Variants in KCNQ1OT1 observed in about 807,000 individuals in gnomAD.
KCNQ1OT1 encodes the protein KCNQ1 opposite strand/antisense transcript 1.
chr11:2,613,600 T>C lies in KCNQ1OT1; in HGVS notation n.86395A>G, dbSNP rs1849015712. The C allele has an allele frequency of 2.5e-6, 1 of 398,634 alleles. No homozygotes were observed. The highest frequency in any genetic ancestry group is 6.3e-4 in the Middle Eastern group (1 of 1,588). The allele number at this position is 398,634 out of a possible 1,614,324, so 24.7% of individuals were successfully genotyped here. On this transcript the variant is annotated non_coding_transcript_exon_variant, in exon 1 of 1. Transcript: ENST00000597346. This position sits in a 1 kb window ranked among gnomAD's most constrained non-coding sequence, Gnocchi z 4.8. The stretch of plus-strand genomic sequence containing the variant: ...CTTTAATTAGCACTTTTCAATTTTA[T>C]ATTTCTTTGTCCAGTTTTATCATTG...
At chr11:2,643,353 A>G (rs1196974222) in exon 1 of KCNQ1OT1, 1 of 398,230 alleles carries the variant, frequency 2.5e-6, no homozygotes, top group South Asian at 1.3e-4. Context: ...TTGGGTGCAT[A>G]TATGTTTAGA....
exon 1 of KCNQ1OT1, chr11:2,666,549 C>T: frequency 1.0e-5 from 4 of 398,694 alleles, no homozygotes; most frequent in Non-Finnish European, 1.8e-5. Context: ...CTAATGTCTC[C>T]TGAATTCTGC....
chr11:2,638,543 C>T (rs1056548312), exon 1 of KCNQ1OT1: 8 of 152,130 alleles, frequency 5.3e-5, no homozygotes, highest in South Asian at 2.1e-4. Flanking sequence ...CTGAGAGATC[C>T]GCCGTTAGTC....
exon 1 of KCNQ1OT1, chr11:2,680,820 A>G: frequency 2.5e-6 from 1 of 398,514 alleles, no homozygotes; most frequent in Non-Finnish European, 4.4e-6. Context: ...CCACATAGCA[A>G]ATCACCTTTT....
chr11:2,681,584 T>C (rs1850397589), exon 1 of KCNQ1OT1: 1 of 398,446 alleles, frequency 2.5e-6, no homozygotes, highest in East Asian at 3.6e-5. Flanking sequence ...TCAGGAAGTT[T>C]CTAGCTTGCT....
At position 2,627,528 on chromosome 11, in the gene KCNQ1OT1, A is replaced by C; in HGVS notation, n.72467T>G. ...CTGAGTTCAAGCTTTTTAGAATTCC[A>C]TATGTAACTGGGATAGTGCAGTATT... is the stretch of plus-strand genomic sequence containing the variant. On this transcript the variant is annotated non_coding_transcript_exon_variant, in exon 1 of 1. Transcript: ENST00000597346. This position sits in a 1 kb window ranked among gnomAD's most constrained non-coding sequence, Gnocchi z 4.9. 2.5e-6 allele frequency: 1 copy of C among 398,526 alleles called. No individual in the cohort carries two copies. Among genetic ancestry groups the C allele is most frequent in the Non-Finnish European group, 4.4e-6 (1 of 226,048 alleles). 24.7% of individuals were successfully genotyped at this position (398,526 alleles called of 1,614,324 possible). A position where few individuals can be genotyped will look rare whatever the true frequency, so the allele number is the denominator to read the frequency against.
In KCNQ1OT1 at chr11:2,664,416, A is replaced by T; in HGVS notation, n.35579T>A. ...CCTGAAGGGGAGAGTGGGCACGTAC[A>T]GTGTCAGGGCCTAGGAACCCAGGCT... is the stretch of plus-strand genomic sequence containing the variant. On this transcript the variant is annotated non_coding_transcript_exon_variant, in exon 1 of 1. Transcript: ENST00000597346. The surrounding 1 kb of genome is among the most constrained non-coding windows in gnomAD (Gnocchi z 5.1). The T allele has an allele frequency of 2.5e-6, 1 of 398,658 alleles. No homozygotes were observed. Among genetic ancestry groups the T allele is most frequent in the Non-Finnish European group, 4.4e-6 (1 of 226,104 alleles). The allele number at this position is 398,658 out of a possible 1,614,324, so 24.7% of individuals were successfully genotyped here.
Position 2,653,630 on chromosome 11 carries a change from G to A in KCNQ1OT1, n.46365C>T, listed in dbSNP as rs186142696. 96 of 398,558 alleles carry A rather than the reference G, an allele frequency of 2.4e-4. No individual in the cohort carries two copies. The East Asian group carries it at 3.3e-3, about 14-fold the overall frequency. 24.7% of individuals were successfully genotyped at this position (398,558 alleles called of 1,614,324 possible). On this transcript the variant is annotated non_coding_transcript_exon_variant, in exon 1 of 1. Coordinates refer to ENST00000597346, the Ensembl canonical transcript of KCNQ1OT1. This position sits in a 1 kb window ranked among gnomAD's most constrained non-coding sequence, Gnocchi z 5.3. ...CCCCATGGGATGGCTGTATCCTTAG[G>A]CAGCTACTTTCTAAAAGGGGCAAAA... is the stretch of plus-strand genomic sequence containing the variant.
chr11:2,619,949 G>A (rs1849137576), exon 1 of KCNQ1OT1: 1 of 356,140 alleles, frequency 2.8e-6, no homozygotes, highest in Non-Finnish European at 4.9e-6. Context: ...GGTTTGGAGT[G>A]TGGATAAGCC....
exon 1 of KCNQ1OT1, chr11:2,686,306 C>G: frequency 2.5e-6 from 1 of 398,756 alleles, no homozygotes; most frequent in Non-Finnish European, 4.4e-6. Flanking sequence ...ACAGACCACA[C>G]TAGTGTCACC....
chr11:2,670,659 T>C lies in KCNQ1OT1; in HGVS notation n.29336A>G, dbSNP rs1850167086. The C allele has an allele frequency of 2.5e-6, 1 of 398,326 alleles. No homozygotes were observed. The highest frequency in any genetic ancestry group is 3.6e-5 in the East Asian group (1 of 28,066). The allele number at this position is 398,326 out of a possible 1,614,324, so 24.7% of individuals were successfully genotyped here. On this transcript the variant is annotated non_coding_transcript_exon_variant, in exon 1 of 1. Coordinates refer to ENST00000597346, the Ensembl canonical transcript of KCNQ1OT1. This position sits in a 1 kb window ranked among gnomAD's most constrained non-coding sequence, Gnocchi z 4.9. ...CAGAGGCCAGGATGAACCCTGAAGA[T>C]TGGTAGGAAGGCAGTGTAGCAGTAA...
chr11:2,689,289 C>T (rs1850548899), exon 1 of KCNQ1OT1: 1 of 398,714 alleles, frequency 2.5e-6, no homozygotes, highest in Non-Finnish European at 4.4e-6. Context: ...ATATCTCCCA[C>T]TCCAACCCTA....
exon 1 of KCNQ1OT1, chr11:2,639,874 C>G (rs1196592921): frequency 6.5e-6 from 1 of 153,054 alleles, no homozygotes; most frequent in African/African-American, 2.4e-5. Flanking sequence ...TTCGAGCTTC[C>G]TGGCCACTTT....
rs2133832018 is a variant in KCNQ1OT1, at chr11:2,642,971, T to C, written n.57024A>G. The C allele has an allele frequency of 5.0e-6, 2 of 397,972 alleles. No homozygotes were observed. The highest frequency in any genetic ancestry group is 4.4e-5 in the Admixed American group (1 of 22,732). The allele number at this position is 397,972 out of a possible 1,614,324, so 24.7% of individuals were successfully genotyped here. On this transcript the variant is annotated non_coding_transcript_exon_variant, in exon 1 of 1. Transcript: ENST00000597346. The surrounding 1 kb of genome is among the most constrained non-coding windows in gnomAD (Gnocchi z 4.3). ...TTCCATTTATTTATACAGTTTTGAATGCTCCTCTTATTTATTTATAGTTTT... is the reference window on the plus strand; with the variant it reads ...TTCCATTTATTTATACAGTTTTGAACGCTCCTCTTATTTATTTATAGTTTT...
exon 1 of KCNQ1OT1, chr11:2,667,419 G>T: frequency 2.5e-6 from 1 of 398,712 alleles, no homozygotes; most frequent in South Asian, 1.3e-4. Flanking sequence ...CTCCACTTGT[G>T]AACTCCCAGC....
exon 1 of KCNQ1OT1, chr11:2,693,631 G>T: frequency 2.5e-6 from 1 of 398,628 alleles, no homozygotes; most frequent in Middle Eastern, 6.3e-4. Flanking sequence ...CCCAGCCGTA[G>T]GAAAGGCTCT....
At position 2,657,493 on chromosome 11, in the gene KCNQ1OT1, T is replaced by C; in HGVS notation, n.42502A>G. 3 of 398,580 alleles carry C rather than the reference T, an allele frequency of 7.5e-6. No homozygotes were observed. Among genetic ancestry groups the C allele is most frequent in the Non-Finnish European group, 8.8e-6 (2 of 226,046 alleles). 24.7% of individuals were successfully genotyped at this position (398,580 alleles called of 1,614,324 possible). On this transcript the variant is annotated non_coding_transcript_exon_variant, in exon 1 of 1. Transcript: ENST00000597346. This position sits in a 1 kb window ranked among gnomAD's most constrained non-coding sequence, Gnocchi z 4.8. ...TCTGTTTTCTCTTGTTACCTCACATTTTTTATTTACAGAAGAGAAACAAAA... is the reference window on the plus strand; with the variant it reads ...TCTGTTTTCTCTTGTTACCTCACATCTTTTATTTACAGAAGAGAAACAAAA...
At chr11:2,625,277 A>G in exon 1 of KCNQ1OT1, 1 of 398,612 alleles carries the variant, frequency 2.5e-6, no homozygotes, top group Non-Finnish European at 4.4e-6. Flanking sequence ...TTGAGACAAG[A>G]TCTGGCTCTG....
In KCNQ1OT1 at chr11:2,629,434, G is replaced by C. The variant is rs559762349; in HGVS notation, n.70561C>G. 3 of 398,284 alleles carry C rather than the reference G, an allele frequency of 7.5e-6. No homozygotes were observed. The South Asian group carries it at 3.8e-4, about 51-fold the overall frequency. 24.7% of individuals were successfully genotyped at this position (398,284 alleles called of 1,614,324 possible). On this transcript the variant is annotated non_coding_transcript_exon_variant, in exon 1 of 1. Transcript: ENST00000597346. ...CAATGTCATGCAGTTTTTGCCCCAT[G>C]TTTTCTTCTAAGAGTTTTATAGTTT...
Sources: gnomAD v4.1 joint callset for allele counts on GRCh38, gnomAD v4.1.1 for gene constraint, Gnocchi (gnomAD v3.1) non-coding constraint, MANE v1.5 for transcripts, NCBI Gene and HGNC (gene_info 2026-07-23, HGNC 2026-07-21) for gene names.